The following NDFIP2 variants were observed in gnomAD, a reference collection of about 807,000 sequenced individuals.
The protein encoded by NDFIP2 is NEDD4 family-interacting protein 2.
In NDFIP2, 19 loss-of-function variants were observed where a neutral mutation model predicts 36.0. That is an observed-to-expected ratio of 0.53 (90% CI 0.37 to 0.77). The LOEUF is 0.77. Among genes scored for constraint, NDFIP2 ranks in the 30% least tolerant of loss-of-function variants. The pLI is 0.00. For missense variants in NDFIP2, 446 were observed against 435.8 expected (o/e 1.02, Z -0.21); for synonymous variants, 181 against 167.7 (o/e 1.08, Z -0.61).
chr13:79,483,367 C>T (rs1296181660), intron 1 of NDFIP2, among the ~76,000 whole-genome samples: 1 of 151,868 alleles, frequency 6.6e-6, no homozygotes, highest in Non-Finnish European at 1.5e-5. Flanking sequence ...TTTATAATGG[C>T]CTGATTAATA....
chr13:79,526,165 G>A (rs1217451331), intron 2 of NDFIP2, among the ~76,000 whole-genome samples: 1 of 152,118 alleles, frequency 6.6e-6, no homozygotes, highest in Admixed American at 6.6e-5. Context: ...TCAATGCCTT[G>A]GTGACAGATT....
chr13:79,491,866 A>G (rs1029100843), intron 1 of NDFIP2, among the ~76,000 whole-genome samples: 1 of 152,202 alleles, frequency 6.6e-6, no homozygotes, highest in East Asian at 1.9e-4. Flanking sequence ...CTTAGCTGGA[A>G]TTAGGGTGTG....
At chr13:79,514,995 T>TG (rs1594849022) in intron 1 of NDFIP2, among the ~76,000 whole-genome samples, 2 of 152,330 alleles carry the variant, frequency 1.3e-5, no homozygotes. Flanking sequence ...AATGGGGATA[T>TG]GCTCTGAGAA....
intron 2 of NDFIP2, among the ~76,000 whole-genome samples, chr13:79,522,396 A>T (rs936355290): frequency 6.6e-6 from 1 of 152,360 alleles, no homozygotes; most frequent in African/African-American, 2.4e-5. Context: ...TTGTTTTCCT[A>T]CTGATGTTTG....
chr13:79,537,846 A>G (rs1875301754), intron 3 of NDFIP2, among the ~76,000 whole-genome samples: 1 of 152,234 alleles, frequency 6.6e-6, no homozygotes, highest in Non-Finnish European at 1.5e-5. Context: ...TGTGTACCGT[A>G]TTAGTCCATT....
intron 3 of NDFIP2, among the ~76,000 whole-genome samples, chr13:79,535,850 C>T (rs1445583573): frequency 1.3e-5 from 2 of 152,142 alleles, no homozygotes; most frequent in Non-Finnish European, 2.9e-5. Flanking sequence ...ACAATGTATA[C>T]ACATTTTAAA....
At chr13:79,524,276 G>T (rs923389951) in intron 2 of NDFIP2, among the ~76,000 whole-genome samples, 8 of 152,076 alleles carry the variant, frequency 5.3e-5, no homozygotes, top group African/African-American at 1.9e-4. Context: ...GATTTTCCTG[G>T]CTTCTCTGCT....
At chr13:79,503,622 G>A (rs190783629) in intron 1 of NDFIP2, among the ~76,000 whole-genome samples, 1 of 152,322 alleles carries the variant, frequency 6.6e-6, no homozygotes, top group East Asian at 1.9e-4. Context: ...CAGGGATTCT[G>A]TCAGAGGGTA....
intron 1 of NDFIP2, among the ~76,000 whole-genome samples, chr13:79,495,371 C>A (rs759325713): frequency 1.3e-5 from 2 of 151,850 alleles, no homozygotes; most frequent in Non-Finnish European, 3.0e-5. Context: ...TTTCTAAATT[C>A]TGCTCTCTTA....
chr13:79,550,824 C>G (rs1029824458), intron 6 of NDFIP2, among the ~76,000 whole-genome samples, 193 bp from the exon 7 acceptor site: 2 of 151,410 alleles, frequency 1.3e-5, no homozygotes, highest in Non-Finnish European at 3.0e-5. Flanking sequence ...CTAGGCTTAA[C>G]AAATTGAAAA....
At chr13:79,514,144 C>G (rs996768863) in intron 1 of NDFIP2, among the ~76,000 whole-genome samples, 1 of 152,146 alleles carries the variant, frequency 6.6e-6, no homozygotes, top group Non-Finnish European at 1.5e-5. Context: ...GCCCTCTCTC[C>G]TTTAATGTAT....
intron 5 of NDFIP2, among the ~76,000 whole-genome samples, chr13:79,545,365 AGTTGAT>A: frequency 6.6e-6 from 1 of 152,310 alleles, no homozygotes; most frequent in South Asian, 2.1e-4. Context: ...TATCACCTCT[AGTTGAT>A]GTGATAAGAT....
At chr13:79,503,889 C>T (rs1873760011) in intron 1 of NDFIP2, among the ~76,000 whole-genome samples, 1 of 152,130 alleles carries the variant, frequency 6.6e-6, no homozygotes, top group South Asian at 2.1e-4. Flanking sequence ...TCAAAAGAGC[C>T]TCTTGATTTG....
intron 1 of NDFIP2, among the ~76,000 whole-genome samples, chr13:79,487,460 G>A (rs79279016): frequency 2.0e-4 from 30 of 152,286 alleles, no homozygotes; most frequent in African/African-American, 7.2e-4. Flanking sequence ...GCTGTTATGA[G>A]TAAAGCTGTT....
intron 3 of NDFIP2, among the ~76,000 whole-genome samples, chr13:79,538,613 C>T (rs1405681320): frequency 1.3e-5 from 2 of 152,176 alleles, no homozygotes; most frequent in African/African-American, 2.4e-5. Flanking sequence ...TTGAGACGGT[C>T]TCACTGTCGC....
rs750362841 is a variant in NDFIP2, at chr13:79,545,292, A to T, written c.840+1610A>T. On this transcript the variant is annotated intron_variant, in intron 5 of 7. Transcript: ENST00000218652. ...TGCATCTTATACAACTTATGTCCTT[A>T]AAGTATTACAGCTTAATTTTCTCAT... 3.8e-4 allele frequency among the ~76,000 whole-genome samples: 58 copies of T among 152,292 alleles called. 1 individual carries two copies. Among genetic ancestry groups the T allele is most frequent in the Non-Finnish European group, 5.9e-4 (40 of 68,006 alleles).
intron 3 of NDFIP2, 123 bp from the exon 4 acceptor site, chr13:79,539,559 C>T (rs747322080): frequency 1.7e-5 from 12 of 695,964 alleles, no homozygotes; most frequent in Non-Finnish European, 2.7e-5. Context: ...ACATTGTACT[C>T]ATTATTGCAT....
chr13:79,481,448 A>T lies in NDFIP2; in HGVS notation c.245A>T (p.Asp82Val). 3 of 1,560,076 alleles carry T rather than the reference A, an allele frequency of 1.9e-6. No homozygotes were observed. Among genetic ancestry groups the T allele is most frequent in the Non-Finnish European group, 2.6e-6 (3 of 1,152,308 alleles). ...GCCGTGGGAGCTGAGCACGGAGAAG[A>T]CTCCCTCTCTCGGAAGCCGGATCCC... ...GVAVGAEHGE[D>V]SLSRKPDPEP... The change falls in exon 1 of 8, where the codon GAC becomes GTC. Residue 82 changes from aspartate (D) to valine (V), a missense_variant. Around this residue, in one of 2 missense-constraint regions of NDFIP2, gnomAD observed 369 missense variants for 304.8 expected, o/e 1.21. Transcript: ENST00000218652.
intron 1 of NDFIP2, among the ~76,000 whole-genome samples, chr13:79,503,652 A>T (rs115284587): frequency 2.0e-3 from 310 of 152,244 alleles, no homozygotes; most frequent in African/African-American, 7.1e-3. Flanking sequence ...GGTTTACTGG[A>T]CCACTCAACT....
Sources: allele counts gnomAD v4.1 joint callset (sites outside exome capture counted in the v4.1 genomes callset), GRCh38; gene constraint gnomAD v4.1.1; regional missense constraint gnomAD v4.1.1; transcripts MANE v1.5; gene names NCBI Gene and HGNC (gene_info 2026-07-23, HGNC 2026-07-21).